FAM227A: variants seen among roughly 807,000 people sequenced by gnomAD.
The protein encoded by FAM227A is family with sequence similarity 227 member A.
FAM227A carries 80 observed loss-of-function variants against 74.7 expected under a neutral mutation model. The ratio of observed to expected loss-of-function variants is 1.07; its 90% CI spans 0.89 to 1.29. The LOEUF is 1.29. FAM227A is among the 50% of genes most tolerant of loss of function. The pLI is 0.00. For missense variants in FAM227A, 654 were observed against 683.4 expected (o/e 0.96, Z 0.48); for synonymous variants, 237 against 241.8 (o/e 0.98, Z 0.19).
At chr22:38,601,893 T>C (rs1429674063) in intron 13 of FAM227A, among the ~76,000 whole-genome samples, 1 of 151,974 alleles carries the variant, frequency 6.6e-6, no homozygotes, top group East Asian at 1.9e-4. Flanking sequence ...CCGTTTTGGA[T>C]GCTATTTGAG....
chr22:38,578,526 C>T lies in FAM227A; in HGVS notation c.*7599G>A, dbSNP rs1256084840. The T allele has an allele frequency of 6.6e-6, 1 of 152,224 alleles. No individual in the cohort carries two copies. Among genetic ancestry groups the T allele is most frequent in the Non-Finnish European group, 1.5e-5 (1 of 68,058 alleles). The allele number at this position is 152,224 out of a possible 1,614,324, so 9.4% of individuals were successfully genotyped here. Reference sequence around the variant, plus strand: ...TTATTTTACTAGCATTTATTCAACACTGCTCAATTCCACGTCTCTGCTGGA... The same window carrying T: ...TTATTTTACTAGCATTTATTCAACATTGCTCAATTCCACGTCTCTGCTGGA... On this transcript the variant is annotated 3_prime_UTR_variant, in exon 17 of 17. Transcript: ENST00000535113.
intron 2 of FAM227A, among the ~76,000 whole-genome samples, chr22:38,648,305 TAAA>T (rs11351838): frequency 1.7e-4 from 22 of 125,816 alleles, no homozygotes; most frequent in African/African-American, 3.0e-4. Flanking sequence ...TCAACTTGAT[TAAA>T]AAAAAAAAAA....
Position 38,628,331 on chromosome 22 carries a change from C to T in FAM227A, c.633G>A (p.Glu211=), listed in dbSNP as rs1368241782. ...IFHERYQPNK[E]LQNNLFDRIA... ...TCCGGTCAAACAGATTATTCTGGAGCTCCTTGTTTGGCTGCCAGGAATAGA... is the reference window on the plus strand; with the variant it reads ...TCCGGTCAAACAGATTATTCTGGAGTTCCTTGTTTGGCTGCCAGGAATAGA... Residue 211 remains glutamate, a synonymous_variant, in exon 8 of 17, where the codon GAG becomes GAA. Transcript: ENST00000535113. The T allele has an allele frequency of 3.9e-6, 6 of 1,550,614 alleles. No individual in the cohort carries two copies. Among genetic ancestry groups the T allele is most frequent in the African/African-American group, 1.4e-5 (1 of 73,028 alleles).
At chr22:38,644,008 G>T (rs148446201) in intron 3 of FAM227A, among the ~76,000 whole-genome samples, 1 of 151,846 alleles carries the variant, frequency 6.6e-6, no homozygotes, top group Non-Finnish European at 1.5e-5. Context: ...TTAGCCTGGC[G>T]TGGTGGCGGG....
At chr22:38,646,553 C>T (rs1334027293) in intron 2 of FAM227A, among the ~76,000 whole-genome samples, 7 of 152,006 alleles carry the variant, frequency 4.6e-5, no homozygotes, top group East Asian at 3.9e-4. Context: ...TGAGCCACCG[C>T]GCCCGGCCCA....
intron 2 of FAM227A, chr22:38,649,804 G>A: frequency 2.5e-6 from 1 of 405,186 alleles, no homozygotes; most frequent in Admixed American, 4.2e-5. Context: ...GGAGGTAGAG[G>A]TTGCAGTGAG....
Position 38,583,223 on chromosome 22 carries a change from A to G in FAM227A, c.*2902T>C, listed in dbSNP as rs1238278506. The G allele has an allele frequency of 1.0e-5, 3 of 299,710 alleles. No individual in the cohort carries two copies. The highest frequency in any genetic ancestry group is 4.8e-5 in the Admixed American group (1 of 20,870). The allele number at this position is 299,710 out of a possible 1,614,324, so 18.6% of individuals were successfully genotyped here. Reference sequence around the variant, plus strand: ...GTTTCACTCTTGTTACCCAGGCTGGAGTGCAATGGTGCAATCTCAGCTCAC... The same window carrying G: ...GTTTCACTCTTGTTACCCAGGCTGGGGTGCAATGGTGCAATCTCAGCTCAC... On this transcript the variant is annotated 3_prime_UTR_variant, in exon 17 of 17. Transcript: ENST00000535113.
intron 15 of FAM227A, among the ~76,000 whole-genome samples, chr22:38,595,973 G>T (rs114963087): frequency 8.1e-5 from 12 of 148,534 alleles, no homozygotes; most frequent in Non-Finnish European, 9.0e-5. Flanking sequence ...ACTAATAAGG[G>T]GGGGGGGGCA....
At position 38,584,149 on chromosome 22, in the gene FAM227A, T is replaced by C. The variant is rs2090758321; in HGVS notation, c.*1976A>G. ...TCCACGCAGCTTTCTATCGGAGCAT[T>C]AATGCATTTATTGGTTTACACATCC... On this transcript the variant is annotated 3_prime_UTR_variant, in exon 17 of 17. Transcript: ENST00000535113. 6.6e-6 allele frequency: 1 copy of C among 152,248 alleles called. No individual in the cohort carries two copies. Among genetic ancestry groups the C allele is most frequent in the Non-Finnish European group, 1.5e-5 (1 of 68,058 alleles). 9.4% of individuals were successfully genotyped at this position (152,248 alleles called of 1,614,324 possible).
chr22:38,651,963 C>T (rs549947637), intron 1 of FAM227A, among the ~76,000 whole-genome samples: 6 of 151,614 alleles, frequency 4.0e-5, no homozygotes, highest in Middle Eastern at 3.4e-3. Context: ...CCGAGGCAGG[C>T]GAATCATGAG....
At chr22:38,646,182 G>A (rs1351641465) in intron 2 of FAM227A, among the ~76,000 whole-genome samples, 1 of 148,710 alleles carries the variant, frequency 6.7e-6, no homozygotes, top group African/African-American at 2.5e-5. Context: ...AAGTGAAAAA[G>A]AGCCATCCAT....
chr22:38,633,649 C>T (rs746879429), intron 6 of FAM227A, among the ~76,000 whole-genome samples: 8 of 152,186 alleles, frequency 5.3e-5, no homozygotes, highest in Non-Finnish European at 1.2e-4. Flanking sequence ...TCAAGCAATT[C>T]TCCTGCCTCA....
intron 10 of FAM227A, among the ~76,000 whole-genome samples, chr22:38,620,682 G>A (rs1016370697): frequency 2.0e-5 from 3 of 151,786 alleles, no homozygotes; most frequent in Admixed American, 2.0e-4. Flanking sequence ...GGTGGCGCGC[G>A]CCTGTAGTCC....
chr22:38,630,260 G>C (rs2091891571), intron 6 of FAM227A, among the ~76,000 whole-genome samples: 1 of 152,260 alleles, frequency 6.6e-6, no homozygotes, highest in African/African-American at 2.4e-5. Flanking sequence ...GCACAGGTAA[G>C]ATCGACATGC....
intron 5 of FAM227A, among the ~76,000 whole-genome samples, chr22:38,636,840 C>T (rs867624028): frequency 3.5e-4 from 51 of 146,454 alleles, no homozygotes; most frequent in African/African-American, 1.2e-3. Context: ...GGTATGATCT[C>T]GACTCACTGC....
chr22:38,601,772 C>T (rs1024030650), intron 13 of FAM227A, among the ~76,000 whole-genome samples: 2 of 151,996 alleles, frequency 1.3e-5, no homozygotes, highest in Non-Finnish European at 2.9e-5. Context: ...CTCAACTCTA[C>T]GTAGGTGTGA....
At chr22:38,593,293 A>G (rs543598802) in intron 15 of FAM227A, among the ~76,000 whole-genome samples, 2 of 152,232 alleles carry the variant, frequency 1.3e-5, no homozygotes, top group African/African-American at 4.8e-5. Context: ...TTACAAGGTC[A>G]GGAGATCAAG....
At chr22:38,647,825 C>G (rs1211538330) in intron 2 of FAM227A, among the ~76,000 whole-genome samples, 1 of 152,078 alleles carries the variant, frequency 6.6e-6, no homozygotes, top group Non-Finnish European at 1.5e-5. Flanking sequence ...AGGAAGATAC[C>G]AAGAAGGGAC....
At chr22:38,626,775 GA>G (rs1217152440) in intron 8 of FAM227A, among the ~76,000 whole-genome samples, 1 of 147,120 alleles carries the variant, frequency 6.8e-6, no homozygotes, top group African/African-American at 2.5e-5. Context: ...CTGGGAGGCT[GA>G]GGCAGGAGAA....
Sources: allele counts gnomAD v4.1 joint callset (sites outside exome capture counted in the v4.1 genomes callset), GRCh38; gene constraint gnomAD v4.1.1; transcripts MANE v1.5; gene names NCBI Gene and HGNC (gene_info 2026-07-23, HGNC 2026-07-21).